The following CUBN variants were observed in gnomAD, a reference collection of about 807,000 sequenced individuals.
CUBN encodes 460 kDa receptor.
A neutral mutation model predicts 405.3 loss-of-function variants in CUBN; 282 were observed. The observed-to-expected ratio is 0.70, with a 90% confidence interval of 0.63 to 0.77. CUBN has a LOEUF of 0.77. Ranked by LOEUF, CUBN falls within the 30% of genes least tolerant of loss-of-function variation. CUBN has a pLI of 0.00. For synonymous variants in CUBN, 1,684 were observed against 1,617.0 expected (o/e 1.04, Z -0.99); for missense variants, 4,514 against 4,475.2 (o/e 1.01, Z -0.25).
intron 39 of CUBN, among the ~76,000 whole-genome samples, chr10:16,936,799 A>C (rs560309957): frequency 6.6e-6 from 1 of 151,818 alleles, no homozygotes; most frequent in African/African-American, 2.4e-5. Flanking sequence ...TACAAACTCT[A>C]CTCTGCCTCC....
chr10:17,046,207 T>C (rs1835128781), intron 23 of CUBN, 113 bp from the exon 24 acceptor site: 1 of 933,542 alleles, frequency 1.1e-6, no homozygotes. Flanking sequence ...TTGGATGAAG[T>C]AATTTCTCTC....
rs1223391886 is a variant in CUBN, at chr10:16,928,225, T to A, written c.6203A>T (p.Tyr2068Phe). Residue 2068 changes from tyrosine to phenylalanine, a missense_variant, in exon 41 of 67, where the codon TAC (tyrosine) becomes TTC (phenylalanine). Transcript: ENST00000377833. ...GTCCGAGGTGAAGCGGATGAACATG[T>A]ACTCTCCAGTAGACCGGATGGGCCC... ...IPGPIRSTGE[Y>F]MFIRFTSDSS... The A allele has an allele frequency of 6.2e-7, 1 of 1,613,854 alleles. No homozygotes were observed. Among genetic ancestry groups the A allele is most frequent in the Non-Finnish European group, 8.5e-7 (1 of 1,179,884 alleles).
chr10:16,851,443 C>T lies in CUBN; in HGVS notation c.9455G>A (p.Gly3152Glu), dbSNP rs1191132609. 2.5e-6 allele frequency: 4 copies of T among 1,613,836 alleles called. No homozygotes were observed. Among genetic ancestry groups the T allele is most frequent in the Non-Finnish European group, 3.4e-6 (4 of 1,179,906 alleles). The change falls in exon 60 of 67, where the codon GGG (glycine) becomes GAG (glutamate). Residue 3152 changes from glycine (G) to glutamate (E), a missense_variant and splice_region_variant. This residue lies in a region of CUBN where 1,186 missense variants were observed against 1,186.9 expected (regional missense o/e 1.00). Coordinates refer to ENST00000377833, the MANE Select transcript of CUBN (RefSeq NM_001081.4). ...ATAACCACCACATCCTTGCTGAGGC[C>T]CTGCATTAAAACAAAGACATCACTA... ...GWKMSFRQTL[G>E]PQQGCGGYLT...
intron 31 of CUBN, among the ~76,000 whole-genome samples, chr10:16,974,497 C>T (rs563575086): frequency 2.4e-4 from 36 of 151,744 alleles, no homozygotes; most frequent in African/African-American, 7.5e-4. Context: ...GATCTTGGCT[C>T]AATGCAAGCT....
chr10:16,838,169 G>A (rs1839230796), intron 62 of CUBN, among the ~76,000 whole-genome samples: 1 of 152,166 alleles, frequency 6.6e-6, no homozygotes, highest in African/African-American at 2.4e-5. Context: ...AGCAAGTCCA[G>A]GGTCTATTCA....
At chr10:17,020,049 T>C (rs1834449411) in intron 27 of CUBN, 66 bp from the exon 28 acceptor site, 2 of 1,575,962 alleles carry the variant, frequency 1.3e-6, no homozygotes, top group African/African-American at 2.7e-5. Context: ...AATCCAAGTC[T>C]ACACAAGTAG....
At chr10:16,905,455 C>T (rs1195999896) in intron 50 of CUBN, among the ~76,000 whole-genome samples, 1 of 152,174 alleles carries the variant, frequency 6.6e-6, no homozygotes, top group African/African-American at 2.4e-5. Context: ...GTTTCTCCAT[C>T]TGGTATATTG....
rs771286257 is a variant in CUBN, at chr10:16,890,497, C to T, written c.8629G>A (p.Ala2877Thr). Residue 2877 changes from alanine to threonine, a missense_variant, in exon 55 of 67, where the codon GCC (alanine) becomes ACC (threonine). Physicochemically the swap from Ala to Thr is moderately conservative, Grantham distance 58. Around this residue, in one of 5 missense-constraint regions of CUBN, gnomAD observed 1,186 missense variants for 1,186.9 expected, o/e 1.00. Transcript: ENST00000377833. Reference sequence around the variant, plus strand: ...TTCCCACAGCCAGTGGCTAGCAGGGCTTTGTCCACCTCCTCAGTTCCTGCC... The same window carrying T: ...TTCCCACAGCCAGTGGCTAGCAGGGTTTTGTCCACCTCCTCAGTTCCTGCC... ...VWAGTEEVDK[A>T]LLATGCGNVA... 1.2e-6 allele frequency: 2 copies of T among 1,614,188 alleles called. No individual in the cohort carries two copies. The highest frequency in any genetic ancestry group is 3.3e-5 in the Admixed American group (2 of 60,016).
In CUBN at chr10:17,071,899, T is replaced by A. The variant is rs756444686; in HGVS notation, c.2374A>T (p.Asn792Tyr). ...ATTTTAAACCTGATCCAGACACTAT[T>A]AGTAATGGATTTAATGTGAGAGATG... ...GTISHIKSIT[N>Y]SVWIRFKIDA... Residue 792 changes from asparagine to tyrosine, a missense_variant, in exon 18 of 67, where the codon AAT becomes TAT. Transcript: ENST00000377833. 6.2e-7 allele frequency: 1 copy of A among 1,612,690 alleles called. No homozygotes were observed. The highest frequency in any genetic ancestry group is 1.7e-5 in the Admixed American group (1 of 60,006).
At position 17,126,741 on chromosome 10, in the gene CUBN, T is replaced by A. The variant is rs955479174; in HGVS notation, c.387+20A>T. Reference sequence around the variant, plus strand: ...ATGTTTTCTGTGAAAGATTTGGGTATGTAGTAGCATGAGACCTACCTGCTG... The same window carrying A: ...ATGTTTTCTGTGAAAGATTTGGGTAAGTAGTAGCATGAGACCTACCTGCTG... On this transcript the variant is annotated intron_variant, in intron 4 of 66. Transcript: ENST00000377833. 6.2e-7 allele frequency: 1 copy of A among 1,613,072 alleles called. No individual in the cohort carries two copies. Among genetic ancestry groups the A allele is most frequent in the South Asian group, 1.1e-5 (1 of 91,046 alleles).
chr10:16,890,896 C>A (rs1405611141), intron 54 of CUBN, among the ~76,000 whole-genome samples: 2 of 152,124 alleles, frequency 1.3e-5, no homozygotes, highest in African/African-American at 4.8e-5. Context: ...CAGCCCTGCT[C>A]CTGGGAAGAT....
intron 28 of CUBN, among the ~76,000 whole-genome samples, chr10:16,997,162 G>T (rs1197908337): frequency 2.0e-5 from 3 of 152,164 alleles, no homozygotes; most frequent in Non-Finnish European, 4.4e-5. Flanking sequence ...TGGGCTGGGC[G>T]CAGTGGCTCA....
intron 4 of CUBN, among the ~76,000 whole-genome samples, chr10:17,124,115 C>T (rs1418200275): frequency 2.0e-5 from 3 of 152,208 alleles, no homozygotes; most frequent in Non-Finnish European, 2.9e-5. Flanking sequence ...TTTGGTCCCT[C>T]GAGGTGAGCC....
At chr10:16,901,908 T>TACACC (rs1841387775) in intron 51 of CUBN, among the ~76,000 whole-genome samples, 3 of 129,368 alleles carry the variant, frequency 2.3e-5, no homozygotes, top group Non-Finnish European at 5.0e-5. Flanking sequence ...TATATATATA[T>TACACC]ATATATATAT....
intron 28 of CUBN, among the ~76,000 whole-genome samples, chr10:17,004,349 A>G (rs886303151): frequency 5.9e-5 from 9 of 152,226 alleles, no homozygotes; most frequent in African/African-American, 1.9e-4. Context: ...CATGCTCACA[A>G]CTCCAAATTC....
At position 16,920,181 on chromosome 10, in the gene CUBN, G is replaced by A. The variant is rs1016422567; in HGVS notation, c.6647-44C>T. The A allele has an allele frequency of 3.1e-6, 5 of 1,593,126 alleles. No homozygotes were observed. In the African/African-American group the frequency reaches 5.4e-5, roughly 17 times the overall value. The stretch of plus-strand genomic sequence containing the variant: ...AAATCAGTCTATGATCTGGTGAAGG[G>A]GATGCAGTCAATGGCCACAAATCAT... On this transcript the variant is annotated intron_variant, in intron 43 of 66. Transcript: ENST00000377833.
intron 3 of CUBN, among the ~76,000 whole-genome samples, chr10:17,127,582 T>C (rs1837228681): frequency 6.6e-6 from 1 of 152,036 alleles, no homozygotes; most frequent in South Asian, 2.1e-4. Flanking sequence ...ATCCATTCAC[T>C]TGCAGTGAGC....
At position 16,835,127 on chromosome 10, in the gene CUBN, T is replaced by C. The variant is rs762417121; in HGVS notation, c.10249A>G (p.Asn3417Asp). The C allele has an allele frequency of 6.2e-7, 1 of 1,614,160 alleles. No homozygotes were observed. Among genetic ancestry groups the C allele is most frequent in the Non-Finnish European group, 8.5e-7 (1 of 1,180,014 alleles). ...AGAGTAACGGTGCAATCCTTGTCAT[T>C]GTCGTAGTTATCTGGCCATCCAGGG... ...RSPGWPDNYD[N>D]DKDCTVTLTA... is the part of the protein sequence containing the mutation. The change falls in exon 64 of 67, where the codon AAT becomes GAT. Residue 3417 changes from asparagine to aspartate, a missense_variant. Asn to Asp is a conservative substitution (Grantham distance 23, BLOSUM62 1). Coordinates refer to ENST00000377833, the MANE Select transcript of CUBN (RefSeq NM_001081.4).
intron 50 of CUBN, 108 bp downstream of exon 50, chr10:16,906,095 G>A: frequency 1.1e-6 from 1 of 911,080 alleles, no homozygotes; most frequent in Non-Finnish European, 1.8e-6. Context: ...GTCCGGGCAA[G>A]AGAGCAAGCT....
Sources: gnomAD v4.1 joint callset for allele counts (sites outside exome capture counted in the v4.1 genomes callset) on GRCh38, gnomAD v4.1.1 for gene constraint, gnomAD v4.1.1 regional missense constraint, MANE v1.5 for transcripts, NCBI Gene and HGNC (gene_info 2026-07-23, HGNC 2026-07-21) for gene names.